The following FGF12 variants were observed in gnomAD, a reference collection of about 807,000 sequenced individuals.
FGF12 encodes the protein fibroblast growth factor 12.
FGF12 carries 14 observed loss-of-function variants against 23.6 expected under a neutral mutation model. The ratio of observed to expected loss-of-function variants is 0.59; its 90% CI spans 0.39 to 0.93. FGF12 has a LOEUF of 0.93. FGF12 is among the 40% of genes least tolerant of loss of function. The pLI, the probability that FGF12 is intolerant of heterozygous loss-of-function variation, is 0.00. For missense variants in FGF12, 175 were observed against 217.8 expected (o/e 0.80, Z 1.24); for synonymous variants, 62 against 77.3 (o/e 0.80, Z 1.04).
intron 4 of FGF12, among the ~76,000 whole-genome samples, chr3:192,311,476 T>C (rs1715931458): frequency 6.6e-6 from 1 of 152,252 alleles, no homozygotes; most frequent in Non-Finnish European, 1.5e-5. Context: ...ATCAGTACTT[T>C]ACTGCTTTTT....
intron 2 of FGF12, among the ~76,000 whole-genome samples, chr3:192,720,009 T>C (rs927755730): frequency 6.6e-6 from 1 of 152,244 alleles, no homozygotes; most frequent in African/African-American, 2.4e-5. Flanking sequence ...TAGGGAGAGA[T>C]TGGCATTGCT....
intron 2 of FGF12, among the ~76,000 whole-genome samples, chr3:192,503,575 GT>G (rs150929471): frequency 0.046 from 5,993 of 131,142 alleles, 97 homozygotes; most frequent in Admixed American, 0.085. Flanking sequence ...TTTTGTTTTG[GT>G]TTTTTTTTTT....
chr3:192,172,548 A>G (rs1715627290), intron 4 of FGF12, among the ~76,000 whole-genome samples: 1 of 150,996 alleles, frequency 6.6e-6, no homozygotes, highest in Non-Finnish European at 1.5e-5. Context: ...TTTTAAGTAA[A>G]TGAACTACTA....
At chr3:192,295,016 A>T (rs988083848) in intron 4 of FGF12, among the ~76,000 whole-genome samples, 2 of 152,190 alleles carry the variant, frequency 1.3e-5, no homozygotes, top group African/African-American at 2.4e-5. Context: ...AGACAGTTCT[A>T]TGCAGATGTA....
At chr3:192,572,765 C>T (rs568235537) in intron 2 of FGF12, among the ~76,000 whole-genome samples, 13 of 152,290 alleles carry the variant, frequency 8.5e-5, no homozygotes, top group African/African-American at 2.9e-4. Context: ...TCACAATTTA[C>T]ACCAAGAATT....
At chr3:192,367,772 G>A (rs759811010) in intron 2 of FGF12, among the ~76,000 whole-genome samples, 14 of 152,128 alleles carry the variant, frequency 9.2e-5, no homozygotes, top group Admixed American at 6.6e-4. Flanking sequence ...GGCTGAAGAC[G>A]TGTCACTCTA....
At chr3:192,682,118 G>A (rs769449998) in intron 2 of FGF12, among the ~76,000 whole-genome samples, 44 of 152,040 alleles carry the variant, frequency 2.9e-4, no homozygotes, top group Admixed American at 1.8e-3. Context: ...TCCTTAGACC[G>A]GGAGAAATGG....
intron 2 of FGF12, among the ~76,000 whole-genome samples, chr3:192,686,583 A>G (rs1717741490): frequency 6.6e-6 from 1 of 152,024 alleles, no homozygotes; most frequent in African/African-American, 2.4e-5. Flanking sequence ...GGGTTACTTA[A>G]GGTAGTATTT....
chr3:192,175,264 T>C (rs1305533655), intron 4 of FGF12, among the ~76,000 whole-genome samples: 3 of 152,132 alleles, frequency 2.0e-5, no homozygotes, highest in Non-Finnish European at 4.4e-5. Flanking sequence ...GCAGAGTAAA[T>C]AATCAGTATA....
chr3:192,519,686 C>T (rs968788078), intron 2 of FGF12, among the ~76,000 whole-genome samples: 10 of 152,210 alleles, frequency 6.6e-5, no homozygotes, highest in South Asian at 4.2e-4. Flanking sequence ...GCAGTTTGCC[C>T]GGCAGTGACT....
chr3:192,600,276 C>T (rs1714059633), intron 2 of FGF12, among the ~76,000 whole-genome samples: 2 of 152,016 alleles, frequency 1.3e-5, no homozygotes, highest in Non-Finnish European at 2.9e-5. Flanking sequence ...CAACATCATG[C>T]TATTTTAGTT....
intron 2 of FGF12, among the ~76,000 whole-genome samples, chr3:192,527,270 A>T (rs992332945): frequency 6.6e-6 from 1 of 152,176 alleles, no homozygotes; most frequent in African/African-American, 2.4e-5. Context: ...CAAAAATTAA[A>T]TGTATTTTTC....
rs563199197 is a variant in FGF12, at chr3:192,653,080, AC to A, written c.13+74100del. On this transcript the variant is annotated intron_variant, in intron 2 of 5. Transcript: ENST00000445105. ...TGTAACATCATATTTCGAATGGTGC[AC>A]TAATAGAAATTGTGAAATGCTCTTT... is the stretch of plus-strand genomic sequence containing the variant. 1.8e-3 allele frequency among the ~76,000 whole-genome samples: 267 copies of A among 152,310 alleles called. 1 individual carries two copies. Among genetic ancestry groups the A allele is most frequent in the African/African-American group, 6.3e-3 (262 of 41,570 alleles).
At chr3:192,283,334 CTTG>C (rs1414596887) in intron 4 of FGF12, among the ~76,000 whole-genome samples, 1 of 151,890 alleles carries the variant, frequency 6.6e-6, no homozygotes, top group African/African-American at 2.4e-5. Flanking sequence ...TGTGATTCAC[CTTG>C]TTTTCTTTCC....
intron 4 of FGF12, among the ~76,000 whole-genome samples, chr3:192,313,782 TTC>T (rs759042649): frequency 7.2e-5 from 11 of 152,318 alleles, no homozygotes; most frequent in African/African-American, 2.6e-4. Context: ...TACTCCCTTT[TTC>T]TCTCTCTCTT....
At chr3:192,198,071 ACTTTAT>A (rs1717170799) in intron 4 of FGF12, among the ~76,000 whole-genome samples, 1 of 151,910 alleles carries the variant, frequency 6.6e-6, no homozygotes, top group Admixed American at 6.6e-5. Flanking sequence ...AAACTTCTTA[ACTTTAT>A]AGTTTTGTAC....
chr3:192,562,737 C>CTTTTT (rs34822834), intron 2 of FGF12, among the ~76,000 whole-genome samples: 1 of 141,920 alleles, frequency 7.0e-6, no homozygotes, highest in Non-Finnish European at 1.5e-5. Flanking sequence ...ACCTCTGAGA[C>CTTTTT]TTTTTTTTTT....
chr3:192,325,210 G>A (rs1222534374), intron 4 of FGF12, among the ~76,000 whole-genome samples: 1 of 151,868 alleles, frequency 6.6e-6, no homozygotes, highest in East Asian at 1.9e-4. Flanking sequence ...AAAATTTCCA[G>A]TTCATTTAAT....
At chr3:192,591,365 G>A (rs1399036063) in intron 2 of FGF12, among the ~76,000 whole-genome samples, 1 of 151,532 alleles carries the variant, frequency 6.6e-6, no homozygotes, top group Non-Finnish European at 1.5e-5. Flanking sequence ...GACATGCTCG[G>A]CTCCCAGTTT....
Sources: allele counts gnomAD v4.1 joint callset (sites outside exome capture counted in the v4.1 genomes callset), GRCh38; gene constraint gnomAD v4.1.1; transcripts MANE v1.5; gene names NCBI Gene and HGNC (gene_info 2026-07-23, HGNC 2026-07-21).